MKLN1: variants seen among roughly 807,000 people sequenced by gnomAD.
MKLN1 encodes the protein muskelin 1, also known as muskelin.
In MKLN1, 18 loss-of-function variants were observed where a neutral mutation model predicts 99.0. That is an observed-to-expected ratio of 0.18 (90% CI 0.13 to 0.27). The LOEUF (loss-of-function observed/expected upper bound fraction) is 0.27, where lower values mean the gene tolerates loss of function less well. MKLN1 is among the 10% of genes least tolerant of loss of function. The probability of loss-of-function intolerance (pLI) is 1.00; values close to 1 mark genes in which losing one functional copy is unlikely to be tolerated. For missense variants in MKLN1, 621 were observed against 875.9 expected, an observed-to-expected ratio of 0.71 and a Z score of 3.67; for synonymous variants, 288 against 293.2, an observed-to-expected ratio of 0.98 and a Z score of 0.18.
chr7:131,269,937 T>C (rs1425724642), intron 3 of MKLN1, among the ~76,000 whole-genome samples: 1 of 152,152 alleles, frequency 6.6e-6, no homozygotes, highest in African/African-American at 2.4e-5. Context: ...TTTTATTTAT[T>C]TTTTGAGATG....
At chr7:131,118,868 C>T (rs7787295) in intron 1 of MKLN1, among the ~76,000 whole-genome samples, 8,366 of 152,290 alleles carry the variant, frequency 0.055, 267 homozygotes, top group Middle Eastern at 0.082. Flanking sequence ...CCCACCAGGT[C>T]CCTGCCCTAA....
chr7:131,154,071 G>A (rs1795930117), intron 2 of MKLN1, among the ~76,000 whole-genome samples: 1 of 152,122 alleles, frequency 6.6e-6, no homozygotes, highest in South Asian at 2.1e-4. Context: ...GGTCAGAAGG[G>A]ATATATATGT....
At chr7:131,481,465 G>A (rs1797119013) in intron 17 of MKLN1, among the ~76,000 whole-genome samples, 1 of 152,066 alleles carries the variant, frequency 6.6e-6, no homozygotes, top group Non-Finnish European at 1.5e-5. Context: ...ACTTTTGGAG[G>A]CCGAGGTGAG....
intron 3 of MKLN1, among the ~76,000 whole-genome samples, chr7:131,307,361 C>T (rs1467710266): frequency 6.6e-6 from 1 of 152,104 alleles, no homozygotes; most frequent in Non-Finnish European, 1.5e-5. Flanking sequence ...ATGGAGTCCC[C>T]ACTGGGGCAC....
chr7:131,256,883 T>C (rs1797665668), intron 3 of MKLN1, among the ~76,000 whole-genome samples: 1 of 152,182 alleles, frequency 6.6e-6, no homozygotes. Flanking sequence ...GATGGGATCA[T>C]TTGAAGCTCA....
At chr7:131,189,660 T>C (rs1796506056) in intron 2 of MKLN1, among the ~76,000 whole-genome samples, 1 of 152,144 alleles carries the variant, frequency 6.6e-6, no homozygotes, top group South Asian at 2.1e-4. Flanking sequence ...CCAGTGCCTT[T>C]ATACTCAGAC....
intron 3 of MKLN1, among the ~76,000 whole-genome samples, chr7:131,271,184 G>A (rs1797878335): frequency 6.6e-6 from 1 of 152,178 alleles, no homozygotes; most frequent in Non-Finnish European, 1.5e-5. Context: ...CCAGGAAAAG[G>A]AGGGGGCCTA....
chr7:131,276,133 C>G (rs1023019026), intron 3 of MKLN1, among the ~76,000 whole-genome samples: 16 of 152,200 alleles, frequency 1.1e-4, no homozygotes, highest in African/African-American at 3.6e-4. Context: ...GAGTGTCAAA[C>G]TCCACAGGGA....
At chr7:131,264,013 A>G (rs1349805488) in intron 3 of MKLN1, among the ~76,000 whole-genome samples, 1 of 152,188 alleles carries the variant, frequency 6.6e-6, no homozygotes, top group Non-Finnish European at 1.5e-5. Flanking sequence ...TTCTGTATGG[A>G]GTAGACACAG....
At chr7:131,150,353 G>T (rs918519415) in intron 2 of MKLN1, among the ~76,000 whole-genome samples, 7 of 152,216 alleles carry the variant, frequency 4.6e-5, no homozygotes, top group South Asian at 2.1e-4. Context: ...TGGGCATGGT[G>T]GTATGCACCT....
intron 12 of MKLN1, among the ~76,000 whole-genome samples, chr7:131,451,108 T>C (rs1278214010): frequency 1.3e-5 from 2 of 152,242 alleles, no homozygotes; most frequent in Non-Finnish European, 2.9e-5. Flanking sequence ...TACTAGATTT[T>C]TATTGTAAGC....
intron 2 of MKLN1, among the ~76,000 whole-genome samples, chr7:131,148,634 G>A (rs757182372): frequency 2.0e-4 from 31 of 152,044 alleles, no homozygotes; most frequent in Non-Finnish European, 3.2e-4. Flanking sequence ...TTAGCCAGGC[G>A]TGGTGGTGCA....
intron 10 of MKLN1, among the ~76,000 whole-genome samples, chr7:131,439,462 G>A (rs983508362): frequency 6.6e-6 from 1 of 152,094 alleles, no homozygotes; most frequent in African/African-American, 2.4e-5. Flanking sequence ...AACACTGGGG[G>A]TGAAGAAACA....
chr7:131,424,916 C>T (rs1296489397), intron 8 of MKLN1, among the ~76,000 whole-genome samples: 2 of 152,176 alleles, frequency 1.3e-5, no homozygotes, highest in Non-Finnish European at 2.9e-5. Context: ...GAGTCAAGTT[C>T]AAAGTCTTTA....
At chr7:131,126,497 G>A (rs532798688) in intron 1 of MKLN1, among the ~76,000 whole-genome samples, 6 of 152,174 alleles carry the variant, frequency 3.9e-5, no homozygotes, top group East Asian at 1.9e-4. Flanking sequence ...CATTTAACAC[G>A]GCGGTGTTTT....
At chr7:131,138,010 C>T (rs1795676861) in intron 1 of MKLN1, among the ~76,000 whole-genome samples, 2 of 150,750 alleles carry the variant, frequency 1.3e-5, no homozygotes, top group Admixed American at 6.6e-5. Flanking sequence ...ACCGCAACCT[C>T]CGCCTCCCGG....
intron 3 of MKLN1, among the ~76,000 whole-genome samples, chr7:131,283,017 G>A (rs1325699067): frequency 6.6e-6 from 1 of 152,190 alleles, no homozygotes; most frequent in East Asian, 1.9e-4. Context: ...CCTAGTAAGG[G>A]AGGGGAATTG....
chr7:131,259,859 A>T (rs1584873582), intron 3 of MKLN1, among the ~76,000 whole-genome samples: 1 of 152,218 alleles, frequency 6.6e-6, no homozygotes, highest in Non-Finnish European at 1.5e-5. Context: ...CAGAGCAGTC[A>T]GGCAAGAGAA....
intron 2 of MKLN1, among the ~76,000 whole-genome samples, chr7:131,144,184 T>C (rs1795781995): frequency 6.6e-6 from 1 of 152,146 alleles, no homozygotes; most frequent in Admixed American, 6.5e-5. Context: ...GAATGAATGA[T>C]GTATTTTAAA....
Sources: gnomAD v4.1 joint callset for allele counts (sites outside exome capture counted in the v4.1 genomes callset) on GRCh38, gnomAD v4.1.1 for gene constraint, MANE v1.5 for transcripts, NCBI Gene and HGNC (gene_info 2026-07-23, HGNC 2026-07-21) for gene names.